The following DDAH1 variants were observed in gnomAD, a reference collection of about 807,000 sequenced individuals.
DDAH1 encodes the protein dimethylarginine dimethylaminohydrolase 1.
In DDAH1, 19 loss-of-function variants were observed where a neutral mutation model predicts 28.8. That is an observed-to-expected ratio of 0.66 (90% confidence interval 0.46 to 0.97). The LOEUF is 0.97. DDAH1 is among the 50% of genes least tolerant of loss of function. DDAH1 has a pLI of 0.00. For missense variants in DDAH1, 326 were observed against 375.9 expected (o/e 0.87, Z 1.10); for synonymous variants, 153 against 154.4 (o/e 0.99, Z 0.07).
intron 2 of DDAH1, among the ~76,000 whole-genome samples, chr1:85,357,851 A>T (rs1215606958): frequency 6.6e-6 from 1 of 152,254 alleles, no homozygotes; most frequent in African/African-American, 2.4e-5. Flanking sequence ...TGAGTTGAAA[A>T]GGTTAAATGC....
intron 1 of DDAH1, among the ~76,000 whole-genome samples, chr1:85,361,922 C>T (rs932492309): frequency 2.0e-5 from 3 of 152,120 alleles, no homozygotes; most frequent in Non-Finnish European, 4.4e-5. Context: ...TAAATACATA[C>T]AAGTCACACA....
chr1:85,418,881 A>G (rs536301134), intron 1 of DDAH1, among the ~76,000 whole-genome samples: 1 of 152,328 alleles, frequency 6.6e-6, no homozygotes, highest in East Asian at 1.9e-4. Flanking sequence ...AGGTCAGGAC[A>G]GGAGAAGCCA....
intron 1 of DDAH1, among the ~76,000 whole-genome samples, chr1:85,574,825 C>CA (rs1165231996): frequency 6.6e-6 from 1 of 151,728 alleles, no homozygotes; most frequent in Non-Finnish European, 1.5e-5. Context: ...GCGGGTGGAT[C>CA]ACTTGAGGCC....
chr1:85,366,957 A>G (rs557544339), intron 1 of DDAH1, among the ~76,000 whole-genome samples: 2 of 152,316 alleles, frequency 1.3e-5, no homozygotes, highest in South Asian at 2.1e-4. Context: ...TGCTTTTCCT[A>G]TAAGAGAGAC....
At chr1:85,364,605 T>A (rs1415206410) in intron 1 of DDAH1, among the ~76,000 whole-genome samples, 1 of 152,022 alleles carries the variant, frequency 6.6e-6, no homozygotes. Context: ...TGGAGTGCAA[T>A]GGCATGATTT....
chr1:85,513,840 A>C (rs1378785596), intron 1 of DDAH1, among the ~76,000 whole-genome samples: 1 of 152,228 alleles, frequency 6.6e-6, no homozygotes, highest in African/African-American at 2.4e-5. Context: ...AATCATTAAA[A>C]AGTCAGGAAA....
intron 1 of DDAH1, among the ~76,000 whole-genome samples, chr1:85,432,372 T>C (rs940130508): frequency 6.6e-6 from 1 of 152,244 alleles, no homozygotes; most frequent in Non-Finnish European, 1.5e-5. Context: ...CCCAAAGCTA[T>C]GATTCTGAGA....
intron 1 of DDAH1, among the ~76,000 whole-genome samples, chr1:85,554,779 G>A (rs1658912769): frequency 6.6e-6 from 1 of 152,166 alleles, no homozygotes; most frequent in Non-Finnish European, 1.5e-5. Context: ...CAAGGGCTGT[G>A]ATTAGTGCAC....
chr1:85,493,154 T>TA (rs549175445), intron 2 of DDAH1, among the ~76,000 whole-genome samples: 151 of 152,132 alleles, frequency 9.9e-4, no homozygotes, highest in African/African-American at 3.6e-3. Flanking sequence ...GATTTTAAAA[T>TA]AAAAAAATTT....
rs552187576 is a variant in DDAH1, at chr1:85,410,082, AC to A, written c.304-51236del. 5.5e-3 allele frequency among the ~76,000 whole-genome samples: 838 copies of A among 151,864 alleles called. 7 individuals are homozygous for A. The highest frequency in any genetic ancestry group is 8.1e-3 in the Non-Finnish European group (549 of 67,938). On this transcript the variant is annotated intron_variant, in intron 1 of 5. Transcript: ENST00000284031. Reference sequence around the variant, plus strand: ...GATCACTTGAGCCCAGGAGTTCAAGACCAGCCTGGGCAACATGGCACAACCC... The same window carrying A: ...GATCACTTGAGCCCAGGAGTTCAAGACAGCCTGGGCAACATGGCACAACCC...
intron 4 of DDAH1, among the ~76,000 whole-genome samples, chr1:85,327,305 G>C (rs1647466504): frequency 6.6e-6 from 1 of 152,166 alleles, no homozygotes; most frequent in South Asian, 2.1e-4. Context: ...CTGAGCCACA[G>C]ATAATCTGTC....
chr1:85,482,768 T>C (rs1277162894), intron 2 of DDAH1, among the ~76,000 whole-genome samples: 1 of 152,362 alleles, frequency 6.6e-6, no homozygotes, highest in East Asian at 1.9e-4. Flanking sequence ...TTCATACATG[T>C]GACCCTTTAC....
chr1:85,344,305 T>C (rs233076), intron 4 of DDAH1, among the ~76,000 whole-genome samples: 1,605 of 152,248 alleles, frequency 0.011, 30 homozygotes, highest in African/African-American at 0.037. Context: ...CTGTATCCCA[T>C]AAATATACAC....
At chr1:85,395,769 T>C (rs1308257763) in intron 1 of DDAH1, among the ~76,000 whole-genome samples, 2 of 152,156 alleles carry the variant, frequency 1.3e-5, no homozygotes, top group African/African-American at 4.8e-5. Context: ...ATGAATCTTA[T>C]GAAAGGAATT....
intron 1 of DDAH1, among the ~76,000 whole-genome samples, chr1:85,438,201 G>A (rs1654029448): frequency 6.6e-6 from 1 of 152,108 alleles, no homozygotes; most frequent in African/African-American, 2.4e-5. Flanking sequence ...TGGTGGAGGA[G>A]GATGAGGATC....
At chr1:85,390,525 C>A (rs1213636284) in intron 1 of DDAH1, among the ~76,000 whole-genome samples, 2 of 152,148 alleles carry the variant, frequency 1.3e-5, no homozygotes, top group Non-Finnish European at 2.9e-5. Flanking sequence ...TTCTGAATAA[C>A]AAGATTTGAT....
chr1:85,524,424 C>A (rs1325004894), intron 1 of DDAH1, among the ~76,000 whole-genome samples: 1 of 150,638 alleles, frequency 6.6e-6, no homozygotes, highest in African/African-American at 2.4e-5. Flanking sequence ...GGTTGTACAA[C>A]AGAATAGGCC....
intron 1 of DDAH1, among the ~76,000 whole-genome samples, chr1:85,511,711 C>G (rs1310251786): frequency 6.6e-6 from 1 of 152,182 alleles, no homozygotes; most frequent in Non-Finnish European, 1.5e-5. Context: ...TCAGAAAATA[C>G]TATAAACACC....
intron 1 of DDAH1, among the ~76,000 whole-genome samples, chr1:85,393,156 A>G (rs1433937693): frequency 6.6e-6 from 1 of 152,330 alleles, no homozygotes; most frequent in East Asian, 1.9e-4. Context: ...CAATAACAAC[A>G]TCAACAACTA....
Sources: allele counts gnomAD v4.1 joint callset (sites outside exome capture counted in the v4.1 genomes callset), GRCh38; gene constraint gnomAD v4.1.1; transcripts MANE v1.5; gene names NCBI Gene and HGNC (gene_info 2026-07-23, HGNC 2026-07-21).